The following MGAT4C variants were observed in gnomAD, a reference collection of about 807,000 sequenced individuals.
MGAT4C encodes the protein MGAT4 family member C, also known as alpha-1,3-mannosyl-glycoprotein 4-beta-N-acetylglucosaminyltransferase C.
Under a neutral mutation model 40.1 loss-of-function variants are expected in MGAT4C, and 19 were observed. That is an observed-to-expected ratio of 0.47 (90% CI 0.33 to 0.70). The LOEUF (loss-of-function observed/expected upper bound fraction) is 0.70, where lower values mean the gene tolerates loss of function less well. MGAT4C is among the 30% of genes least tolerant of loss of function. The pLI is 0.02. For synonymous variants in MGAT4C, 181 were observed against 187.1 expected, an observed-to-expected ratio of 0.97 and a Z score of 0.27; for missense variants, 491 against 563.2, an observed-to-expected ratio of 0.87 and a Z score of 1.30.
intron 3 of MGAT4C, among the ~76,000 whole-genome samples, chr12:86,418,239 A>C (rs918827495): frequency 6.6e-6 from 1 of 152,146 alleles, no homozygotes; most frequent in Non-Finnish European, 1.5e-5. Context: ...TGATTTGTGA[A>C]TCATTCATAT....
chr12:86,526,842 C>T (rs1004063896), intron 2 of MGAT4C, among the ~76,000 whole-genome samples: 6 of 152,206 alleles, frequency 3.9e-5, no homozygotes, highest in Non-Finnish European at 5.9e-5. Flanking sequence ...TCCCTGCCAA[C>T]TCGAGTGTCC....
At position 86,800,789 on chromosome 12, in the gene MGAT4C, A is replaced by G. The variant is rs1305634511; in HGVS notation, c.-262+37877T>C. ...CTGACAAAGACTTTCTCCATGACCAAAATTTTGTCAGGCTTTCTGAGTAAT... is the reference window on the plus strand; with the variant it reads ...CTGACAAAGACTTTCTCCATGACCAGAATTTTGTCAGGCTTTCTGAGTAAT... On this transcript the variant is annotated intron_variant, in intron 1 of 7. Coordinates refer to the MGAT4C transcript ENST00000548651. Among the ~76,000 whole-genome samples the G allele has an allele frequency of 3.3e-5, 5 of 151,872 alleles. No homozygotes were observed. The East Asian group carries it at 7.7e-4, about 24-fold the overall frequency.
At chr12:86,450,105 T>C (rs1260410595) in intron 2 of MGAT4C, among the ~76,000 whole-genome samples, 3 of 152,166 alleles carry the variant, frequency 2.0e-5, no homozygotes, top group African/African-American at 4.8e-5. Context: ...GAAGTATTCA[T>C]ATGTTCAGCG....
chr12:86,661,691 A>C (rs1963982688), intron 2 of MGAT4C, among the ~76,000 whole-genome samples: 1 of 152,132 alleles, frequency 6.6e-6, no homozygotes, highest in Non-Finnish European at 1.5e-5. Context: ...CATGTCTGTA[A>C]TCCCAGCACT....
intron 2 of MGAT4C, among the ~76,000 whole-genome samples, chr12:86,664,524 G>C (rs1163700676): frequency 6.6e-6 from 1 of 152,088 alleles, no homozygotes; most frequent in Non-Finnish European, 1.5e-5. Flanking sequence ...AATGATTTAT[G>C]ATTTTAGTTT....
chr12:86,063,424 C>T (rs542968974), intron 1 of MGAT4C, among the ~76,000 whole-genome samples: 9 of 152,212 alleles, frequency 5.9e-5, no homozygotes, highest in Non-Finnish European at 1.0e-4. Flanking sequence ...AAAAACATAC[C>T]AAATTGTAAA....
intron 2 of MGAT4C, among the ~76,000 whole-genome samples, chr12:86,538,955 A>T (rs1460737146): frequency 6.6e-6 from 1 of 151,948 alleles, no homozygotes; most frequent in African/African-American, 2.4e-5. Flanking sequence ...GTTTCTCATA[A>T]CTACTGCATA....
intron 1 of MGAT4C, among the ~76,000 whole-genome samples, chr12:86,070,724 G>A (rs367874735): frequency 1.1e-4 from 16 of 152,074 alleles, no homozygotes; most frequent in South Asian, 1.0e-3. Flanking sequence ...CCATAATACA[G>A]GGATATACTT....
At chr12:86,585,271 T>C (rs1208891895) in intron 2 of MGAT4C, among the ~76,000 whole-genome samples, 1 of 151,578 alleles carries the variant, frequency 6.6e-6, no homozygotes, top group Non-Finnish European at 1.5e-5. Flanking sequence ...TTTCCACTTA[T>C]TTGTAGGACT....
chr12:86,005,772 T>C (rs533539807), intron 2 of MGAT4C, among the ~76,000 whole-genome samples: 2 of 152,210 alleles, frequency 1.3e-5, no homozygotes, highest in African/African-American at 2.4e-5. Flanking sequence ...AAAAGACCTA[T>C]GTGGTCAATT....
intron 2 of MGAT4C, among the ~76,000 whole-genome samples, chr12:86,549,181 T>C (rs1959233121): frequency 6.6e-6 from 1 of 152,186 alleles, no homozygotes; most frequent in African/African-American, 2.4e-5. Context: ...CCAAGATATA[T>C]GCCAAAATAT....
At chr12:86,458,509 A>C (rs1957545437) in intron 2 of MGAT4C, among the ~76,000 whole-genome samples, 1 of 152,212 alleles carries the variant, frequency 6.6e-6, no homozygotes. Flanking sequence ...ATTTGGAAGA[A>C]TGGAACAAGA....
At chr12:86,011,068 T>C (rs1398369125) in intron 2 of MGAT4C, among the ~76,000 whole-genome samples, 1 of 152,192 alleles carries the variant, frequency 6.6e-6, no homozygotes, top group Non-Finnish European at 1.5e-5. Flanking sequence ...ACCCAGTCTC[T>C]GTATTCTGAG....
intron 2 of MGAT4C, among the ~76,000 whole-genome samples, chr12:86,674,834 T>C (rs957054816): frequency 5.3e-5 from 8 of 152,322 alleles, no homozygotes; most frequent in Admixed American, 5.2e-4. Flanking sequence ...CCACTTTTAT[T>C]TGAACATAAA....
intron 1 of MGAT4C, among the ~76,000 whole-genome samples, chr12:86,788,524 T>G (rs1951971795): frequency 6.6e-6 from 1 of 152,152 alleles, no homozygotes; most frequent in Non-Finnish European, 1.5e-5. Context: ...TTTCTTTTCC[T>G]TTAAATCTAG....
chr12:85,977,036 T>A lies in MGAT4C; in HGVS notation c.*2253A>T, dbSNP rs1884039722. The A allele has an allele frequency of 6.6e-6, 1 of 151,232 alleles. No homozygotes were observed. Among genetic ancestry groups the A allele is most frequent in the African/African-American group, 2.4e-5 (1 of 41,344 alleles). The allele number at this position is 151,232 out of a possible 1,614,324, so 9.4% of individuals were successfully genotyped here. A position where few individuals can be genotyped will look rare whatever the true frequency, so the allele number is the denominator to read the frequency against. ...CCAACTTATCCAAACACAGGTTTAGTAAAGAGAGGATATAAAGATAAAATG... is the reference window on the plus strand; with the variant it reads ...CCAACTTATCCAAACACAGGTTTAGAAAAGAGAGGATATAAAGATAAAATG... On this transcript the variant is annotated 3_prime_UTR_variant, in exon 5 of 5. Coordinates refer to ENST00000611864, the MANE Select transcript of MGAT4C (RefSeq NM_001351288.2).
rs138916432 is a variant in MGAT4C at position 86,216,004 on chromosome 12, G to A, written c.-57+40235C>T. Among the ~76,000 whole-genome samples the A allele has an allele frequency of 9.6e-3, 1,458 of 152,102 alleles. 82 individuals are homozygous for A. The highest frequency in any genetic ancestry group is 2.4e-3 in the Non-Finnish European group (166 of 67,988). On this transcript the variant is annotated intron_variant, in intron 1 of 4. Transcript: ENST00000611864. ...ATTGGATCCCATAAATAACTGGATCGAATCCAGAAAGAGGTCTCAGATACC... is the reference window on the plus strand; with the variant it reads ...ATTGGATCCCATAAATAACTGGATCAAATCCAGAAAGAGGTCTCAGATACC...
rs143713036 is a variant in MGAT4C, at chr12:86,369,495, C to A, written c.-119-35368G>T. ...TTCTTCCTTTATGTCATTTTTATAT[C>A]TGATATAGGTTTTTCTAGTGTGGTT... On this transcript the variant is annotated intron_variant, in intron 3 of 7. Transcript: ENST00000548651. Among the ~76,000 whole-genome samples the A allele has an allele frequency of 3.2e-4, 49 of 151,412 alleles. 1 individual carries two copies. Among genetic ancestry groups the A allele is most frequent in the Admixed American group, 1.3e-3 (19 of 15,200 alleles).
At chr12:86,786,473 G>A (rs964238283) in intron 1 of MGAT4C, among the ~76,000 whole-genome samples, 1 of 151,988 alleles carries the variant, frequency 6.6e-6, no homozygotes, top group African/African-American at 2.4e-5. Context: ...AAGATGTCAA[G>A]AAATTAAATA....
Sources: gnomAD v4.1 joint callset for allele counts (sites outside exome capture counted in the v4.1 genomes callset) on GRCh38, gnomAD v4.1.1 for gene constraint, MANE v1.5 for transcripts, NCBI Gene and HGNC (gene_info 2026-07-23, HGNC 2026-07-21) for gene names.